The following OR2L13 variants were observed in gnomAD, a reference collection of about 807,000 sequenced individuals.
OR2L13 encodes the protein olfactory receptor family 2 subfamily L member 13, also known as olfactory receptor 2L13.
A neutral mutation model predicts 15.3 loss-of-function variants in OR2L13; 14 were observed. That is an observed-to-expected ratio of 0.91 (90% CI 0.60 to 1.43). The LOEUF (loss-of-function observed/expected upper bound fraction) is 1.43, where lower values mean the gene tolerates loss of function less well. Ranked by LOEUF, OR2L13 falls within the 40% of genes most tolerant of loss-of-function variation. OR2L13 has a pLI of 0.00. For synonymous variants in OR2L13, 152 were observed against 142.9 expected (o/e 1.06, Z -0.45); for missense variants, 367 against 387.9 (o/e 0.95, Z 0.45).
intron 1 of OR2L13, among the ~76,000 whole-genome samples, chr1:248,097,758 C>T (rs1572743858): frequency 6.6e-6 from 1 of 152,194 alleles, no homozygotes; most frequent in Non-Finnish European, 1.5e-5. Context: ...CAGCTTTCTT[C>T]CCCTGGATTT....
the OR2L13 span, among the ~76,000 whole-genome samples, chr1:248,065,681 G>A: frequency 2.4e-4 from 36 of 148,594 alleles, 1 homozygote; most frequent in South Asian, 2.6e-3. Context: ...GAGAACATGC[G>A]GTGTTTGGTT....
chr1:247,953,880 C>T, the OR2L13 span, among the ~76,000 whole-genome samples: 1 of 152,012 alleles, frequency 6.6e-6, no homozygotes, highest in South Asian at 2.1e-4. Context: ...CTTTACACCC[C>T]CATATACCTC....
the OR2L13 span, among the ~76,000 whole-genome samples, chr1:248,065,744 G>A: frequency 6.6e-6 from 1 of 151,808 alleles, no homozygotes; most frequent in African/African-American, 2.4e-5. Context: ...AACAAGCTGT[G>A]GTTCAATAGT....
At chr1:247,993,769 G>A in the OR2L13 span, among the ~76,000 whole-genome samples, 16 of 88,780 alleles carry the variant, frequency 1.8e-4, 1 homozygote, top group South Asian at 3.8e-3. Context: ...GGGGGAGAGA[G>A]AGAGAGAGAG....
At chr1:248,073,005 G>C in the OR2L13 span, among the ~76,000 whole-genome samples, 1 of 10,192 alleles carries the variant, frequency 9.8e-5, no homozygotes, top group Non-Finnish European at 4.5e-3. Flanking sequence ...TGGAGAAATA[G>C]GAACACTTTT....
At chr1:248,068,158 C>T in the OR2L13 span, among the ~76,000 whole-genome samples, 24 of 152,258 alleles carry the variant, frequency 1.6e-4, no homozygotes, top group Non-Finnish European at 2.5e-4. Flanking sequence ...TCTCCCAGCA[C>T]GCAGCTGGAG....
the OR2L13 span, among the ~76,000 whole-genome samples, chr1:248,036,549 G>A: frequency 2.7e-3 from 417 of 152,148 alleles, 1 homozygote; most frequent in African/African-American, 9.3e-3. Context: ...TGTGTGTATA[G>A]ATGTGAGTTT....
At chr1:247,948,959 C>A in the OR2L13 span, 2 of 1,613,780 alleles carry the variant, frequency 1.2e-6, no homozygotes, top group African/African-American at 2.7e-5. Context: ...TTTTCATTTT[C>A]CTGATGGCTC....
chr1:247,949,533 C>T, the OR2L13 span: 383 of 1,614,012 alleles, frequency 2.4e-4, no homozygotes, highest in Middle Eastern at 3.3e-4. Context: ...TGCTGTCTAC[C>T]ACATGAAATC....
At chr1:248,085,502 A>G in the OR2L13 span, among the ~76,000 whole-genome samples, 1 of 146,392 alleles carries the variant, frequency 6.8e-6, no homozygotes, top group Non-Finnish European at 1.5e-5. Flanking sequence ...CTGTCTAGTT[A>G]TCTTTTTCCA....
exon 3 of OR2L13, chr1:248,100,112 T>C: frequency 1.2e-6 from 2 of 1,614,122 alleles, no homozygotes; most frequent in Non-Finnish European, 1.7e-6. Context: ...CATTTAACTG[T>C]AGTGATCTTT....
At chr1:247,982,500 G>T in the OR2L13 span, among the ~76,000 whole-genome samples, 1 of 152,186 alleles carries the variant, frequency 6.6e-6, no homozygotes, top group African/African-American at 2.4e-5. Flanking sequence ...GACTTTAAAA[G>T]ATAGTGATAT....
the OR2L13 span, among the ~76,000 whole-genome samples, chr1:247,938,523 C>A: frequency 6.6e-6 from 1 of 152,128 alleles, no homozygotes; most frequent in African/African-American, 2.4e-5. Context: ...TTACAAATTT[C>A]CAGATTAAAA....
chr1:247,969,466 C>G, the OR2L13 span, among the ~76,000 whole-genome samples: 2 of 152,154 alleles, frequency 1.3e-5, no homozygotes, highest in Non-Finnish European at 2.9e-5. Flanking sequence ...ATTACTAGCT[C>G]TTTCTTGACA....
chr1:248,047,820 T>C, the OR2L13 span, among the ~76,000 whole-genome samples: 1 of 152,130 alleles, frequency 6.6e-6, no homozygotes, highest in Non-Finnish European at 1.5e-5. Context: ...ATGCTGGCAA[T>C]GATAATGATG....
chr1:247,956,326 A>G, the OR2L13 span, among the ~76,000 whole-genome samples: 7 of 151,654 alleles, frequency 4.6e-5, no homozygotes, highest in East Asian at 1.9e-4. Flanking sequence ...TACCAGTACC[A>G]TGCTGTTTTG....
chr1:248,013,476 C>T, the OR2L13 span, among the ~76,000 whole-genome samples: 1 of 152,136 alleles, frequency 6.6e-6, no homozygotes, highest in African/African-American at 2.4e-5. Context: ...TCCAAAGTCT[C>T]AGTGGACAAT....
chr1:247,965,317 A>G, the OR2L13 span: 18 of 1,517,928 alleles, frequency 1.2e-5, no homozygotes, highest in South Asian at 6.7e-5. Flanking sequence ...TCTTAAGGGA[A>G]GTCAACATTA....
At chr1:248,000,827 G>C in the OR2L13 span, among the ~76,000 whole-genome samples, 8 of 152,076 alleles carry the variant, frequency 5.3e-5, no homozygotes, top group African/African-American at 1.9e-4. Flanking sequence ...CAGAAGAATT[G>C]TAATGAGTAA....
Sources: gnomAD v4.1 joint callset for allele counts (sites outside exome capture counted in the v4.1 genomes callset) on GRCh38, gnomAD v4.1.1 for gene constraint, MANE v1.5 for transcripts, NCBI Gene and HGNC (gene_info 2026-07-23, HGNC 2026-07-21) for gene names.